Variants in TRIML2 observed in about 807,000 individuals in gnomAD.
TRIML2 encodes probable E3 ubiquitin-protein ligase TRIML2.
A neutral mutation model predicts 31.2 loss-of-function variants in TRIML2; 28 were observed. That is an observed-to-expected ratio of 0.90 (90% confidence interval 0.66 to 1.23). The LOEUF is 1.23. TRIML2 is among the 50% of genes most tolerant of loss of function. The pLI, the probability that TRIML2 is intolerant of heterozygous loss-of-function variation, is 0.00. For synonymous variants in TRIML2, 187 were observed against 197.5 expected (o/e 0.95, Z 0.45); for missense variants, 536 against 528.3 (o/e 1.01, Z -0.14).
intron 5 of TRIML2, 89 bp downstream of exon 5, chr4:188,098,946 G>A (rs1246676088): frequency 2.3e-5 from 33 of 1,430,314 alleles, no homozygotes; most frequent in Non-Finnish European, 3.0e-5. Context: ...TGGATATTGT[G>A]TTCTGACAGC....
intron 1 of TRIML2, among the ~76,000 whole-genome samples, chr4:188,106,278 C>G (rs1734036195): frequency 6.6e-6 from 1 of 152,176 alleles, no homozygotes; most frequent in South Asian, 2.1e-4. Flanking sequence ...GTCTCGATCT[C>G]CTGACCTCGT....
intron 3 of TRIML2, among the ~76,000 whole-genome samples, chr4:188,102,781 G>A (rs1323591687): frequency 4.0e-5 from 6 of 150,846 alleles, no homozygotes; most frequent in South Asian, 2.1e-4. Context: ...CCCGGGAGGC[G>A]GAGGTTGCAG....
chr4:188,093,007 C>T (rs1733335095), intron 7 of TRIML2: 11 of 385,976 alleles, frequency 2.8e-5, no homozygotes, highest in South Asian at 1.7e-4. Context: ...GTGTTTGTGA[C>T]TCGCTCCATA....
intron 7 of TRIML2, 134 bp downstream of exon 7, chr4:188,096,927 G>A: frequency 1.5e-6 from 1 of 688,024 alleles, no homozygotes; most frequent in South Asian, 1.9e-5. Context: ...AAAGTGCTGG[G>A]ATTACAGGAG....
chr4:188,092,002 G>T, intron 7 of TRIML2, 61 bp from the exon 8 acceptor site: 1 of 1,518,298 alleles, frequency 6.6e-7, no homozygotes, highest in South Asian at 1.2e-5. Flanking sequence ...CCAGAGACAT[G>T]ATTTCTAACA....
intron 7 of TRIML2, among the ~76,000 whole-genome samples, chr4:188,092,190 A>G (rs1453838069): frequency 6.6e-6 from 1 of 152,088 alleles, no homozygotes; most frequent in Non-Finnish European, 1.5e-5. Flanking sequence ...ACAAAGATGA[A>G]TGAGCTAAGG....
intron 4 of TRIML2, among the ~76,000 whole-genome samples, chr4:188,099,690 A>C (rs144452090): frequency 2.6e-4 from 40 of 152,230 alleles, no homozygotes; most frequent in African/African-American, 9.4e-4. Flanking sequence ...CTCTCAAGAG[A>C]CAGTTGATTC....
In TRIML2 at chr4:188,095,176, G is replaced by A. The variant is rs181012615; in HGVS notation, c.745+1885C>T. ...GGTTCATAGGCCACAATGTAAAACCGAAAACCATAAAACTTTTGGAAGGAA... is the reference window on the plus strand; with the variant it reads ...GGTTCATAGGCCACAATGTAAAACCAAAAACCATAAAACTTTTGGAAGGAA... On this transcript the variant is annotated intron_variant, in intron 7 of 7. Coordinates refer to ENST00000682553, the MANE Select transcript of TRIML2 (RefSeq NM_173553.4). Among the ~76,000 whole-genome samples, 53 of 152,216 alleles carry A rather than the reference G, an allele frequency of 3.5e-4. No homozygotes were observed. The South Asian group carries it at 5.8e-3, about 17-fold the overall frequency.
At chr4:188,099,313 T>A (rs959610920) in intron 4 of TRIML2, 138 bp from the exon 5 acceptor site, 3 of 1,153,570 alleles carry the variant, frequency 2.6e-6, no homozygotes, top group Non-Finnish European at 3.6e-6. Flanking sequence ...ACGCCTGTAA[T>A]CCCAGCACTT....
intron 7 of TRIML2, among the ~76,000 whole-genome samples, chr4:188,095,458 TA>T (rs1369055515): frequency 6.6e-6 from 1 of 152,196 alleles, no homozygotes; most frequent in Non-Finnish European, 1.5e-5. Flanking sequence ...AAGGGGTTTG[TA>T]CATGTATTTC....
At position 188,109,602 on chromosome 4, in the gene TRIML2, C is replaced by G. The variant is rs1211090421; in HGVS notation, c.-582G>C. 6.6e-6 allele frequency: 1 copy of G among 152,076 alleles called. No homozygotes were observed. Among genetic ancestry groups the G allele is most frequent in the African/African-American group, 2.4e-5 (1 of 41,414 alleles). 9.4% of individuals were successfully genotyped at this position (152,076 alleles called of 1,614,324 possible). A position where few individuals can be genotyped will look rare whatever the true frequency, so the allele number is the denominator to read the frequency against. On this transcript the variant is annotated 5_prime_UTR_variant, in exon 1 of 8. Transcript: ENST00000682553. ...CAAGGTATTTCCTTTAGGGAAAAAG[C>G]TGGAACAGTGGAGACTGAAGAGATT... is the stretch of plus-strand genomic sequence containing the variant.
At chr4:188,105,155 TG>T (rs1227883985) in intron 2 of TRIML2, 24 bp downstream of exon 2, 2 of 1,589,792 alleles carry the variant, frequency 1.3e-6, no homozygotes, top group Admixed American at 3.4e-5. Flanking sequence ...CAGAGTGTTT[TG>T]GGATTTGCGT....
At chr4:188,100,215 A>T (rs139681184) in intron 4 of TRIML2, among the ~76,000 whole-genome samples, 2 of 152,262 alleles carry the variant, frequency 1.3e-5, no homozygotes, top group East Asian at 3.9e-4. Flanking sequence ...AACATCTGCT[A>T]CTCATCAACT....
chr4:188,092,011 C>T, intron 7 of TRIML2, 70 bp from the exon 8 acceptor site: 1 of 1,479,782 alleles, frequency 6.8e-7, no homozygotes, highest in South Asian at 1.3e-5. Context: ...TGATTTCTAA[C>T]ACACCTGGGC....
chr4:188,096,344 G>A (rs942607818), intron 7 of TRIML2, among the ~76,000 whole-genome samples: 2 of 151,794 alleles, frequency 1.3e-5, no homozygotes, highest in African/African-American at 2.4e-5. Context: ...AGACCATCCT[G>A]ACCAACATGG....
intron 7 of TRIML2, 150 bp from the exon 8 acceptor site, chr4:188,092,091 G>A: frequency 1.4e-6 from 1 of 705,750 alleles, no homozygotes; most frequent in Non-Finnish European, 2.3e-6. Context: ...CCAGGAAAAG[G>A]AACTGCTGAA....
At chr4:188,108,687 G>A (rs976439084) in intron 1 of TRIML2, among the ~76,000 whole-genome samples, 5 of 151,802 alleles carry the variant, frequency 3.3e-5, no homozygotes, top group Non-Finnish European at 7.4e-5. Context: ...TCCCCCTTCC[G>A]TGGCCAACAG....
At chr4:188,092,035 G>A (rs1455061581) in intron 7 of TRIML2, 94 bp from the exon 8 acceptor site, 2 of 1,328,278 alleles carry the variant, frequency 1.5e-6, no homozygotes, top group Non-Finnish European at 2.1e-6. Flanking sequence ...CCACTGAGTG[G>A]GCACAAGTCC....
chr4:188,102,588 C>T (rs1173934101), intron 3 of TRIML2, among the ~76,000 whole-genome samples: 2 of 151,986 alleles, frequency 1.3e-5, no homozygotes, highest in Admixed American at 6.6e-5. Context: ...TCCGGGCTCA[C>T]GTCTGTAATC....
Sources: gnomAD v4.1 joint callset for allele counts (sites outside exome capture counted in the v4.1 genomes callset) on GRCh38, gnomAD v4.1.1 for gene constraint, MANE v1.5 for transcripts, NCBI Gene and HGNC (gene_info 2026-07-23, HGNC 2026-07-21) for gene names.